The following TAB2 variants were observed in gnomAD, a reference collection of about 807,000 sequenced individuals.
TAB2 encodes TGF-beta activated kinase 1 (MAP3K7) binding protein 2, also known as TGF-beta-activated kinase 1 and MAP3K7-binding protein 2.
Under a neutral mutation model 65.0 loss-of-function variants are expected in TAB2, and 3 were observed. The observed-to-expected ratio is 0.05, with a 90% CI of 0.02 to 0.12. The LOEUF (loss-of-function observed/expected upper bound fraction) is 0.12. Ranked by LOEUF, TAB2 falls within the 10% of genes least tolerant of loss-of-function variation. The pLI, the probability that TAB2 is intolerant of heterozygous loss-of-function variation, is 1.00. For missense variants in TAB2, 623 were observed against 840.3 expected, an observed-to-expected ratio of 0.74 and a Z score of 3.20; for synonymous variants, 298 against 285.1, an observed-to-expected ratio of 1.05 and a Z score of -0.46.
intron 1 of TAB2, among the ~76,000 whole-genome samples, chr6:149,324,979 T>G (rs2114736947): frequency 6.6e-6 from 1 of 152,178 alleles, no homozygotes; most frequent in South Asian, 2.1e-4. Context: ...AAAAATTTTT[T>G]ATAGAGACAG....
intron 1 of TAB2, among the ~76,000 whole-genome samples, chr6:149,235,397 A>C (rs1020679120): frequency 3.9e-5 from 6 of 152,236 alleles, no homozygotes; most frequent in African/African-American, 1.4e-4. Context: ...AACGTGATAG[A>C]TGTCTTTAAA....
chr6:149,403,104 C>T (rs1324822679), intron 6 of TAB2, among the ~76,000 whole-genome samples: 1 of 151,228 alleles, frequency 6.6e-6, no homozygotes, highest in Non-Finnish European at 1.5e-5. Context: ...CTTGGCGGCC[C>T]ATGCCTGTAA....
rs1419758105 is a variant in TAB2 at position 149,378,558 on chromosome 6, A to G, written c.643A>G (p.Ile215Val). 6.2e-7 allele frequency: 1 copy of G among 1,613,902 alleles called. No homozygotes were observed. The highest frequency in any genetic ancestry group is 8.5e-7 in the Non-Finnish European group (1 of 1,180,044). ...CAGTCCACAGGGAAATTCTATCTAT[A>G]TTAGGCCTTACATTACAACTCCTGG... Reference protein sequence around the residue: ...LNSPQGNSIYIRPYITTPGGT... With the variant: ...LNSPQGNSIYVRPYITTPGGT... The change falls in exon 3 of 7, where the codon ATT becomes GTT. Residue 215 changes from isoleucine to valine, a missense_variant. Around this residue, in one of 3 missense-constraint regions of TAB2, gnomAD observed 550 missense variants for 665.7 expected, o/e 0.83. Transcript: ENST00000637181.
chr6:149,226,108 C>T (rs1028155897), intron 1 of TAB2, among the ~76,000 whole-genome samples: 2 of 152,132 alleles, frequency 1.3e-5, no homozygotes, highest in Non-Finnish European at 2.9e-5. Flanking sequence ...CATAGAGGGG[C>T]TCTCATTAAA....
rs1782795602 is a variant in TAB2, at chr6:149,410,019, G to A, written c.*300G>A. On this transcript the variant is annotated 3_prime_UTR_variant, in exon 7 of 7. Transcript: ENST00000637181. The stretch of plus-strand genomic sequence containing the variant: ...TAATTCTCAATATGTTAACACCTAG[G>A]TGTTCCCAATACCTTTTTCCCCTCA... 4.7e-6 allele frequency: 2 copies of A among 423,512 alleles called. No individual in the cohort carries two copies. Among genetic ancestry groups the A allele is most frequent in the Admixed American group, 7.8e-5 (2 of 25,596 alleles). 26.2% of individuals were successfully genotyped at this position (423,512 alleles called of 1,614,324 possible).
At chr6:149,392,400 A>G (rs1356365600) in intron 3 of TAB2, among the ~76,000 whole-genome samples, 2 of 152,134 alleles carry the variant, frequency 1.3e-5, no homozygotes, top group African/African-American at 4.8e-5. Flanking sequence ...CCTTCATATC[A>G]GATTTTCTTC....
At chr6:149,275,273 AAAGAAAGAAAGAAAGAAAGAAAGAAAG>A (rs1778445158) in intron 1 of TAB2, among the ~76,000 whole-genome samples, 1 of 150,756 alleles carries the variant, frequency 6.6e-6, no homozygotes, top group Non-Finnish European at 1.5e-5. Context: ...AGAAAGAAAG[AAAGAAAGAAAGAAAGAAAGAAAGAAAG>A]AGAAAAAAGA....
chr6:149,253,832 G>C lies in TAB2; in HGVS notation c.-121+35056G>C, dbSNP rs1362160369. Among the ~76,000 whole-genome samples the C allele has an allele frequency of 4.0e-5, 6 of 150,958 alleles. No homozygotes were observed. In the East Asian group the frequency reaches 1.2e-3, roughly 30 times the overall value. On this transcript the variant is annotated intron_variant, in intron 1 of 1. Transcript: ENST00000606202. Reference sequence around the variant, plus strand: ...AGCCACTCAGGAGGCTGAGGCAGGAGAATTGCTTGAACCTAGGAGGCAGAG... The same window carrying C: ...AGCCACTCAGGAGGCTGAGGCAGGACAATTGCTTGAACCTAGGAGGCAGAG...
chr6:149,240,519 G>A (rs964931563), intron 1 of TAB2, among the ~76,000 whole-genome samples: 2 of 152,062 alleles, frequency 1.3e-5, no homozygotes, highest in African/African-American at 4.8e-5. Flanking sequence ...GGATCAGAAT[G>A]TTCTGTAAAG....
intron 1 of TAB2, among the ~76,000 whole-genome samples, chr6:149,323,951 G>C (rs1346924739): frequency 6.6e-6 from 1 of 151,936 alleles, no homozygotes; most frequent in East Asian, 1.9e-4. Flanking sequence ...AACAATAACT[G>C]TCTACTACAG....
intron 1 of TAB2, among the ~76,000 whole-genome samples, chr6:149,333,686 A>G (rs1420255101): frequency 6.7e-6 from 1 of 150,276 alleles, no homozygotes; most frequent in Non-Finnish European, 1.5e-5. Flanking sequence ...AAAACCATAT[A>G]TTCTTTTATT....
chr6:149,232,939 C>A (rs6921429), intron 1 of TAB2, among the ~76,000 whole-genome samples: 13,694 of 152,126 alleles, frequency 0.09, 1,004 homozygotes, highest in African/African-American at 0.21. Context: ...TCACAGCGAC[C>A]TGTGTGGAAG....
At chr6:149,241,452 C>A (rs112566446) in intron 1 of TAB2, among the ~76,000 whole-genome samples, 2 of 152,144 alleles carry the variant, frequency 1.3e-5, no homozygotes, top group African/African-American at 4.8e-5. Context: ...GTATTTGTTT[C>A]TTTCTATCAG....
intron 2 of TAB2, among the ~76,000 whole-genome samples, chr6:149,374,719 A>G (rs1281578415): frequency 1.3e-5 from 2 of 152,218 alleles, no homozygotes; most frequent in African/African-American, 4.8e-5. Context: ...TTGACAGTGG[A>G]TGTCTGTGAT....
At position 149,399,196 on chromosome 6, in the gene TAB2, C is replaced by T. The variant is rs766578666; in HGVS notation, c.1939+12C>T. ...ACCAAAACCCAAAGGTTAGTGTATC[C>T]ATTAAATGTGAAAACTGTTACTTTT... On this transcript the variant is annotated intron_variant, in intron 6 of 6. Transcript: ENST00000637181. The T allele has an allele frequency of 1.2e-6, 2 of 1,610,648 alleles. No homozygotes were observed. The highest frequency in any genetic ancestry group is 4.5e-5 in the East Asian group (2 of 44,748).
At chr6:149,223,610 G>A (rs1285272640) in intron 1 of TAB2, among the ~76,000 whole-genome samples, 1 of 152,182 alleles carries the variant, frequency 6.6e-6, no homozygotes, top group Admixed American at 6.5e-5. Context: ...GTTTTCTGTG[G>A]CTTTGGGGGT....
intron 3 of TAB2, among the ~76,000 whole-genome samples, chr6:149,387,118 A>G (rs373553011): frequency 5.3e-5 from 8 of 152,154 alleles, no homozygotes; most frequent in South Asian, 2.1e-4. Flanking sequence ...TCCAAACTCT[A>G]TGTATTTTTT....
At chr6:149,375,291 A>T (rs1385444638) in intron 2 of TAB2, among the ~76,000 whole-genome samples, 1 of 152,174 alleles carries the variant, frequency 6.6e-6, no homozygotes, top group Non-Finnish European at 1.5e-5. Flanking sequence ...CTAAAATAAA[A>T]ATTTTAATAA....
upstream of TAB2, among the ~76,000 whole-genome samples, chr6:149,314,817 G>A (rs1331327685): frequency 1.3e-5 from 2 of 151,366 alleles, no homozygotes; most frequent in Non-Finnish European, 2.9e-5. Flanking sequence ...TACTGTATCA[G>A]GACCTTACTA....
Sources: gnomAD v4.1 joint callset for allele counts (sites outside exome capture counted in the v4.1 genomes callset) on GRCh38, gnomAD v4.1.1 for gene constraint, gnomAD v4.1.1 regional missense constraint, MANE v1.5 for transcripts, NCBI Gene and HGNC (gene_info 2026-07-23, HGNC 2026-07-21) for gene names.